Variants in FNBP4 observed in about 807,000 individuals in gnomAD.
FNBP4 encodes formin-binding protein 4.
A neutral mutation model predicts 119.3 loss-of-function variants in FNBP4; 34 were observed. That is an observed-to-expected ratio of 0.28 (90% confidence interval 0.22 to 0.38). The LOEUF (loss-of-function observed/expected upper bound fraction) is 0.38. Ranked by LOEUF, FNBP4 falls within the 10% of genes least tolerant of loss-of-function variation. The pLI is 1.00. For missense variants in FNBP4, 1,112 were observed against 1,228.9 expected (o/e 0.90, Z 1.42); for synonymous variants, 462 against 430.6 (o/e 1.07, Z -0.90).
At chr11:47,766,792 A>T (rs985783991) in intron 1 of FNBP4, among the ~76,000 whole-genome samples, 9 of 152,154 alleles carry the variant, frequency 5.9e-5, no homozygotes, top group African/African-American at 2.2e-4. Context: ...GGCGTTTGGG[A>T]GACTCAGGAT....
In FNBP4 at chr11:47,755,980, G is replaced by C. The variant is rs183618353; in HGVS notation, c.314-1316C>G. 2.6e-4 allele frequency among the ~76,000 whole-genome samples: 39 copies of C among 152,208 alleles called. No homozygotes were observed. In the East Asian group the frequency reaches 6.0e-3, roughly 23 times the overall value. On this transcript the variant is annotated intron_variant, in intron 2 of 16. Transcript: ENST00000263773. ...ATTACAGTGTAGCAGCTGAAACAAA[G>C]ACTTTCAAAAACTAAAGAAATAAAG...
At chr11:47,727,061 G>A (rs571651349) in intron 12 of FNBP4, 1 of 152,250 alleles carries the variant, frequency 6.6e-6, no homozygotes, top group African/African-American at 2.4e-5. Flanking sequence ...TATGATGGTG[G>A]TGACATGCTA....
intron 15 of FNBP4, among the ~76,000 whole-genome samples, chr11:47,720,900 CG>C (rs1344770940): frequency 3.3e-5 from 5 of 150,704 alleles, no homozygotes; most frequent in African/African-American, 1.2e-4. Flanking sequence ...GCAGGAGAAT[CG>C]CTTCAACCCG....
chr11:47,725,085 C>T (rs547146379), intron 12 of FNBP4: 73 of 219,650 alleles, frequency 3.3e-4, no homozygotes, highest in African/African-American at 7.9e-4. Context: ...ACTTGTCCTT[C>T]GGGTCCATAT....
intron 12 of FNBP4, among the ~76,000 whole-genome samples, chr11:47,727,251 CTTT>C (rs56258205): frequency 5.8e-5 from 8 of 137,902 alleles, no homozygotes; most frequent in African/African-American, 5.3e-5. Context: ...TACTTTTCTT[CTTT>C]TTTTTTTTTT....
chr11:47,729,941 T>C (rs2097565547), intron 12 of FNBP4: 3 of 985,464 alleles, frequency 3.0e-6, no homozygotes. Flanking sequence ...AGTGGCTTTT[T>C]CCTACACTAC....
intron 5 of FNBP4, 46 bp from the exon 6 acceptor site, chr11:47,751,082 T>C: frequency 6.2e-7 from 1 of 1,612,482 alleles, no homozygotes; most frequent in South Asian, 1.1e-5. Context: ...ACAAATACTA[T>C]CAGCAAAAGA....
chr11:47,732,394 T>C lies in FNBP4; in HGVS notation c.1820+143A>G. Reference sequence around the variant, plus strand: ...ATGTGTGGCTGGCCAAACTTTGTGCTTGCGGTGCTTTGCCTGCCCAGCACC... The same window carrying C: ...ATGTGTGGCTGGCCAAACTTTGTGCCTGCGGTGCTTTGCCTGCCCAGCACC... On this transcript the variant is annotated intron_variant, in intron 11 of 16. Coordinates refer to ENST00000263773, the MANE Select transcript of FNBP4 (RefSeq NM_015308.5). The surrounding 1 kb of genome is among the most constrained non-coding windows in gnomAD (Gnocchi z 4.2). The C allele has an allele frequency of 1.3e-6, 2 of 1,516,418 alleles. No homozygotes were observed. Among genetic ancestry groups the C allele is most frequent in the Non-Finnish European group, 1.8e-6 (2 of 1,134,584 alleles). 93.9% of individuals were successfully genotyped at this position (1,516,418 alleles called of 1,614,324 possible).
At chr11:47,723,628 G>C (rs1405363344) in intron 14 of FNBP4, among the ~76,000 whole-genome samples, 1 of 152,122 alleles carries the variant, frequency 6.6e-6, no homozygotes, top group Non-Finnish European at 1.5e-5. Flanking sequence ...ATAGCAGTGT[G>C]ATCACAGCTC....
At position 47,753,070 on chromosome 11, in the gene FNBP4, T is replaced by C. The variant is rs1325686076; in HGVS notation, c.483A>G (p.Ala161=). 1.2e-6 allele frequency: 2 copies of C among 1,613,740 alleles called. No homozygotes were observed. The highest frequency in any genetic ancestry group is 8.5e-7 in the Non-Finnish European group (1 of 1,179,936). ...GTGGAGCAGAAGCTCCTACAGGAGC[T>C]GCAGGCTGAGGAGCTGTTATGGCAT... ...EIDAITAPQP[A]APVGASAPPP... Residue 161 remains alanine (A), a synonymous_variant, in exon 4 of 17, where the codon GCA becomes GCG. Coordinates refer to ENST00000263773, the MANE Select transcript of FNBP4 (RefSeq NM_015308.5).
At chr11:47,728,788 C>T (rs926950290) in intron 12 of FNBP4, among the ~76,000 whole-genome samples, 37 of 150,628 alleles carry the variant, frequency 2.5e-4, no homozygotes, top group African/African-American at 8.5e-4. Flanking sequence ...CTCAAACTCC[C>T]AAAGTGCTGG....
Position 47,753,063 on chromosome 11 carries a change from C to T in FNBP4, c.490G>A (p.Val164Ile), listed in dbSNP as rs1156832126. The T allele has an allele frequency of 6.2e-7, 1 of 1,613,820 alleles. No homozygotes were observed. Among genetic ancestry groups the T allele is most frequent in the Non-Finnish European group, 8.5e-7 (1 of 1,179,862 alleles). ...AITAPQPAAP[V>I]GASAPPPTPP... ...GTTGGAGGTGGAGCAGAAGCTCCTA[C>T]AGGAGCTGCAGGCTGAGGAGCTGTT... Residue 164 changes from valine to isoleucine, a missense_variant, in exon 4 of 17, where the codon GTA (valine) becomes ATA (isoleucine). Physicochemically the swap from Val to Ile is conservative, Grantham distance 29 (BLOSUM62 3). Coordinates refer to ENST00000263773, the MANE Select transcript of FNBP4 (RefSeq NM_015308.5).
Position 47,767,206 on chromosome 11 carries a change from C to A in FNBP4, c.83G>T (p.Gly28Val). 1 of 1,564,772 alleles carries A rather than the reference C, an allele frequency of 6.4e-7. No homozygotes were observed. The change falls in exon 1 of 17, where the codon GGC becomes GTC. Residue 28 changes from glycine (G) to valine (V), a missense_variant. By Grantham distance (109) the Gly-to-Val change is moderately radical. This residue lies in a region of FNBP4 where 286 missense variants were observed against 240.1 expected (regional missense o/e 1.19). Transcript: ENST00000263773. ...SPPGPRGSTPGRDPEPEPDTE... is the reference protein window; with the variant it reads ...SPPGPRGSTPVRDPEPEPDTE... ...GTCGGGTTCCGGCTCCGGGTCCCGG[C>A]CCGGCGTGCTGCCCCGAGGACCCGG... is the stretch of plus-strand genomic sequence containing the variant.
chr11:47,736,813 G>T (rs2097574776), intron 8 of FNBP4, 73 bp from the exon 9 acceptor site: 2 of 1,263,820 alleles, frequency 1.6e-6, no homozygotes, highest in Admixed American at 4.6e-5. Flanking sequence ...TTCCCCCATA[G>T]CAGATATCTG....
intron 16 of FNBP4, among the ~76,000 whole-genome samples, chr11:47,717,932 TTA>T (rs893060843): frequency 2.5e-4 from 36 of 146,808 alleles, no homozygotes; most frequent in East Asian, 2.2e-4. Context: ...TTTTTTTTTT[TTA>T]AGTAGCGACA....
intron 6 of FNBP4, among the ~76,000 whole-genome samples, chr11:47,748,906 C>T (rs377739096): frequency 6.6e-6 from 1 of 152,170 alleles, no homozygotes; most frequent in Non-Finnish European, 1.5e-5. Flanking sequence ...CTTGACCTCT[C>T]GAAGTGCTGG....
chr11:47,765,389 GAAA>G (rs760580350), intron 1 of FNBP4, 27 bp from the exon 2 acceptor site: 2 of 1,301,870 alleles, frequency 1.5e-6, no homozygotes, highest in Non-Finnish European at 2.1e-6. Flanking sequence ...GAAAAGAAAA[GAAA>G]AGAAAAGAAA....
intron 8 of FNBP4, among the ~76,000 whole-genome samples, chr11:47,742,626 G>A (rs1483976180): frequency 1.3e-5 from 2 of 151,874 alleles, no homozygotes; most frequent in African/African-American, 2.4e-5. Flanking sequence ...GCTGGCTCAT[G>A]CCTGTAATCC....
chr11:47,746,825 C>T (rs373244258), intron 6 of FNBP4, among the ~76,000 whole-genome samples: 1 of 151,940 alleles, frequency 6.6e-6, no homozygotes, highest in Non-Finnish European at 1.5e-5. Flanking sequence ...CCACTTACTC[C>T]CAACAGGTGA....
Sources: allele counts gnomAD v4.1 joint callset (sites outside exome capture counted in the v4.1 genomes callset), GRCh38; gene constraint gnomAD v4.1.1; regional missense constraint gnomAD v4.1.1; non-coding constraint Gnocchi (gnomAD v3.1); transcripts MANE v1.5; gene names NCBI Gene and HGNC (gene_info 2026-07-23, HGNC 2026-07-21).